Variants in DMD observed in about 807,000 individuals in gnomAD.
DMD encodes the protein mutant dystrophin.
In DMD, 63 loss-of-function variants were observed where a neutral mutation model predicts 330.1. The observed-to-expected ratio is 0.19, with a 90% CI of 0.16 to 0.24. The LOEUF (loss-of-function observed/expected upper bound fraction) is 0.24. Among genes scored for constraint, DMD ranks in the 10% least tolerant of loss-of-function variants. The pLI is 1.00. For synonymous variants in DMD, 1,223 were observed against 959.8 expected, an observed-to-expected ratio of 1.27 and a Z score of -5.07; for missense variants, 3,344 against 2,684.1, an observed-to-expected ratio of 1.25 and a Z score of -5.43.
At chrX:31,501,593 T>A (rs1410700206) in intron 56 of DMD, among the ~76,000 whole-genome samples, 1 of 111,737 alleles carries the variant, frequency 8.9e-6, no homozygotes, top group Non-Finnish European at 1.9e-5. Flanking sequence ...TATTGCTTGG[T>A]CTTTAAGGAA....
chrX:33,132,357 C>G (rs905684225), intron 1 of DMD, among the ~76,000 whole-genome samples: 3 of 111,520 alleles, frequency 2.7e-5, no homozygotes, highest in Non-Finnish European at 5.6e-5. Flanking sequence ...CCTTATGGCT[C>G]TGGGCATTGC....
At chrX:32,835,566 G>A (rs774047774) in intron 4 of DMD, among the ~76,000 whole-genome samples, 3 of 112,443 alleles carry the variant, frequency 2.7e-5, no homozygotes, top group Admixed American at 9.5e-5. Context: ...ATAACTTCAT[G>A]CTAAAACAGC....
At chrX:31,267,027 C>A in intron 62 of DMD, 1 of 531,802 alleles carries the variant, frequency 1.9e-6, no homozygotes, top group African/African-American at 2.5e-5. Context: ...CGGGCTCCGC[C>A]CCCACCTAGG....
At chrX:33,191,393 T>C (rs2050635871) in intron 1 of DMD, among the ~76,000 whole-genome samples, 1 of 99,421 alleles carries the variant, frequency 1.0e-5, no homozygotes, top group Non-Finnish European at 2.0e-5. Context: ...TGACAACACA[T>C]AGTTTGCTTT....
chrX:32,139,321 T>C (rs1253501856), intron 44 of DMD, among the ~76,000 whole-genome samples: 1 of 112,245 alleles, frequency 8.9e-6, no homozygotes, highest in Non-Finnish European at 1.9e-5. Flanking sequence ...ATTCTCATAT[T>C]CATCAACTGT....
At chrX:31,993,559 G>A (rs1019460924) in intron 44 of DMD, among the ~76,000 whole-genome samples, 1 of 111,800 alleles carries the variant, frequency 8.9e-6, no homozygotes, top group African/African-American at 3.3e-5. Flanking sequence ...AGATAAGCGA[G>A]GCTGAATTCT....
chrX:32,490,153 A>T lies in DMD; in HGVS notation c.2622+1124T>A, dbSNP rs1340357636. Among the ~76,000 whole-genome samples the T allele has an allele frequency of 3.6e-5, 4 of 111,257 alleles. No homozygotes were observed. The Admixed American group carries it at 3.8e-4, about 11-fold the overall frequency. ...ACCTTTCCATGTCTATTCTACCTTT[A>T]TTTAAGCCATTCTTTTTTACAGTAT... is the stretch of plus-strand genomic sequence containing the variant. On this transcript the variant is annotated intron_variant, in intron 20 of 78. Coordinates refer to ENST00000357033, the MANE Select transcript of DMD (RefSeq NM_004006.3).
rs1333137853 is a variant in DMD, at chrX:32,974,020, GA to G, written c.93+46118del. ...AAAGTCTACTGGAAGCAAAAAGTGGGAAAAAAAAGCCTTACGAATACCCGTA... is the reference window on the plus strand; with the variant it reads ...AAAGTCTACTGGAAGCAAAAAGTGGGAAAAAAAGCCTTACGAATACCCGTA... On this transcript the variant is annotated intron_variant, in intron 2 of 78. Transcript: ENST00000357033. Among the ~76,000 whole-genome samples, 4 of 110,338 alleles carry G rather than the reference GA, an allele frequency of 3.6e-5. No homozygotes were observed. The East Asian group carries it at 8.5e-4, about 23-fold the overall frequency.
At chrX:32,563,151 C>T (rs749614913) in intron 16 of DMD, among the ~76,000 whole-genome samples, 4 of 109,329 alleles carry the variant, frequency 3.7e-5, no homozygotes, top group African/African-American at 1.0e-4. Flanking sequence ...CCACCCTGGC[C>T]AACATGGTGA....
chrX:32,877,444 C>CT (rs2083463035), intron 2 of DMD, among the ~76,000 whole-genome samples: 1 of 112,191 alleles, frequency 8.9e-6, no homozygotes, highest in African/African-American at 3.2e-5. Context: ...AATATTTTTT[C>CT]TTTTAACTCT....
At chrX:33,181,346 T>TA (rs60704057) in intron 1 of DMD, among the ~76,000 whole-genome samples, 10 of 106,328 alleles carry the variant, frequency 9.4e-5, no homozygotes, top group Non-Finnish European at 1.8e-4. Context: ...GATAAAACTA[T>TA]AAAAAAAAAA....
At chrX:32,639,887 C>T (rs2059340340) in intron 11 of DMD, among the ~76,000 whole-genome samples, 5 of 110,047 alleles carry the variant, frequency 4.5e-5, no homozygotes, top group Non-Finnish European at 9.5e-5. Flanking sequence ...TTAGAAAAGG[C>T]TGGAGAAAAA....
At chrX:31,292,041 C>A (rs1603305498) in intron 62 of DMD, among the ~76,000 whole-genome samples, 1 of 111,324 alleles carries the variant, frequency 9.0e-6, no homozygotes, top group Non-Finnish European at 1.9e-5. Flanking sequence ...AGGATACATT[C>A]ATTATCTTGT....
intron 41 of DMD, among the ~76,000 whole-genome samples, chrX:32,321,306 C>A (rs1380986990): frequency 9.1e-6 from 1 of 110,102 alleles, no homozygotes; most frequent in East Asian, 2.9e-4. Flanking sequence ...GTATCAGGAC[C>A]TCAAATTATG....
Position 32,048,055 on chromosome X carries a change from T to C in DMD, c.6439-79541A>G, listed in dbSNP as rs370674472. Among the ~76,000 whole-genome samples, 6 of 104,759 alleles carry C rather than the reference T, an allele frequency of 5.7e-5. No individual in the cohort carries two copies. The East Asian group carries it at 1.8e-3, about 31-fold the overall frequency. The allele number at this position is 104,759 out of a possible 115,157, so 91.0% of individuals were successfully genotyped here. A position where few individuals can be genotyped will look rare whatever the true frequency, so the allele number is the denominator to read the frequency against. ...ATTATCTTATGAACAGGTCTGTGCA[T>C]TGAAATAATAATAAAAACGATAAGG... On this transcript the variant is annotated intron_variant, in intron 44 of 78. Coordinates refer to ENST00000357033, the MANE Select transcript of DMD (RefSeq NM_004006.3).
chrX:31,923,594 CTT>C (rs746084752), intron 47 of DMD, among the ~76,000 whole-genome samples: 5,830 of 75,917 alleles, frequency 0.077, 173 homozygotes, highest in African/African-American at 0.11. Flanking sequence ...GGTGAACACC[CTT>C]TTTTTTTTTT....
intron 44 of DMD, among the ~76,000 whole-genome samples, chrX:32,211,006 C>T (rs756033888): frequency 8.0e-5 from 9 of 111,853 alleles, no homozygotes; most frequent in Admixed American, 1.9e-4. Context: ...TTTCTTCAAT[C>T]ACTAATAACC....
chrX:32,273,798 C>G (rs2097374560), intron 43 of DMD, among the ~76,000 whole-genome samples: 1 of 112,062 alleles, frequency 8.9e-6, no homozygotes, highest in African/African-American at 3.2e-5. Flanking sequence ...CAGTAGAAAA[C>G]AGAAATGAGC....
At chrX:32,583,955 G>T (rs1192273244) in intron 13 of DMD, among the ~76,000 whole-genome samples, 2 of 111,414 alleles carry the variant, frequency 1.8e-5, no homozygotes, top group East Asian at 5.6e-4. Flanking sequence ...AAATATTGAA[G>T]TGAACTATGT....
Sources: gnomAD v4.1 joint callset for allele counts (sites outside exome capture counted in the v4.1 genomes callset) on GRCh38, gnomAD v4.1.1 for gene constraint, MANE v1.5 for transcripts, NCBI Gene and HGNC (gene_info 2026-07-23, HGNC 2026-07-21) for gene names.